ZC3H3: variants seen among roughly 807,000 people sequenced by gnomAD.
ZC3H3 encodes zinc finger CCCH domain-containing protein 3.
In ZC3H3, 36 loss-of-function variants were observed where a neutral mutation model predicts 77.3. That is an observed-to-expected ratio of 0.47 (90% CI 0.36 to 0.61). The LOEUF (loss-of-function observed/expected upper bound fraction) is 0.61, where lower values mean the gene tolerates loss of function less well. Ranked by LOEUF, ZC3H3 falls within the 20% of genes least tolerant of loss-of-function variation. The pLI is 0.00. For missense variants in ZC3H3, 1,331 were observed against 1,312.2 expected, an observed-to-expected ratio of 1.01 and a Z score of -0.22; for synonymous variants, 626 against 555.2, an observed-to-expected ratio of 1.13 and a Z score of -1.79.
At chr8:143,518,186 G>A (rs1008764028) in intron 3 of ZC3H3, among the ~76,000 whole-genome samples, 2 of 152,140 alleles carry the variant, frequency 1.3e-5, no homozygotes, top group African/African-American at 2.4e-5. Context: ...TGTCTGGGGG[G>A]ACCCAGGTGA....
chr8:143,506,868 C>T (rs988145790), intron 4 of ZC3H3, among the ~76,000 whole-genome samples: 4 of 152,330 alleles, frequency 2.6e-5, no homozygotes, highest in African/African-American at 9.6e-5. Flanking sequence ...CAGCAGGGAA[C>T]CACCAGGCAG....
Position 143,474,911 on chromosome 8 carries a change from G to A in ZC3H3, c.1903+487C>T, listed in dbSNP as rs558393314. On this transcript the variant is annotated intron_variant, in intron 5 of 11. Transcript: ENST00000262577. ...GTCGAGGCGTCGCCAATGCGATTACGGGCGCCGCGGCCCCAGGTGTGCGCT... is the reference window on the plus strand; with the variant it reads ...GTCGAGGCGTCGCCAATGCGATTACAGGCGCCGCGGCCCCAGGTGTGCGCT... Among the ~76,000 whole-genome samples, 62 of 152,360 alleles carry A rather than the reference G, an allele frequency of 4.1e-4. 1 individual carries two copies. The South Asian group carries it at 0.011, about 26-fold the overall frequency.
rs1239238012 is a variant in ZC3H3, at chr8:143,530,258, C to T, written c.1561+5999G>A. 2.0e-5 allele frequency among the ~76,000 whole-genome samples: 3 copies of T among 152,100 alleles called. No homozygotes were observed. The highest frequency in any genetic ancestry group is 6.5e-5 in the Admixed American group (1 of 15,278). On this transcript the variant is annotated intron_variant, in intron 3 of 11. Coordinates refer to ENST00000262577, the MANE Select transcript of ZC3H3 (RefSeq NM_015117.3). This position sits in a 1 kb window ranked among gnomAD's most constrained non-coding sequence, Gnocchi z 4.3. Reference sequence around the variant, plus strand: ...CCCGCACCCTCCACCAGCACACTGGCGACAAGTCTGGGAAGGCGGCTGCTT... The same window carrying T: ...CCCGCACCCTCCACCAGCACACTGGTGACAAGTCTGGGAAGGCGGCTGCTT...
At chr8:143,536,735 C>T (rs1822812277) in intron 2 of ZC3H3, among the ~76,000 whole-genome samples, 1 of 152,152 alleles carries the variant, frequency 6.6e-6, no homozygotes, top group African/African-American at 2.4e-5. Context: ...GTGCTCCGTC[C>T]CCACCCGCAT....
At chr8:143,529,019 G>A (rs372380166) in intron 3 of ZC3H3, among the ~76,000 whole-genome samples, 42 of 152,316 alleles carry the variant, frequency 2.8e-4, no homozygotes, top group African/African-American at 9.4e-4. Flanking sequence ...TGGCTGGCAC[G>A]CGATCTTAGA....
At position 143,494,707 on chromosome 8, in the gene ZC3H3, C is replaced by T. The variant is rs972906999; in HGVS notation, c.1715+13039G>A. On this transcript the variant is annotated intron_variant, in intron 4 of 11. Coordinates refer to ENST00000262577, the MANE Select transcript of ZC3H3 (RefSeq NM_015117.3). This position sits in a 1 kb window ranked among gnomAD's most constrained non-coding sequence, Gnocchi z 5.3. ...CCCCAGAGGGCCAGGAGCCCCCACA[C>T]TCACCCTGAGACCCTGGGCAGGAAC... Among the ~76,000 whole-genome samples the T allele has an allele frequency of 1.3e-5, 2 of 152,212 alleles. No homozygotes were observed. Among genetic ancestry groups the T allele is most frequent in the Non-Finnish European group, 2.9e-5 (2 of 68,034 alleles).
In ZC3H3 at chr8:143,494,528, C is replaced by A. The variant is rs398752; in HGVS notation, c.1715+13218G>T. Among the ~76,000 whole-genome samples the A allele has an allele frequency of 0.028, 4,236 of 152,268 alleles. 176 individuals are homozygous for A. Among genetic ancestry groups the A allele is most frequent in the African/African-American group, 0.096 (3,986 of 41,532 alleles). The stretch of plus-strand genomic sequence containing the variant: ...CCAACAGGCCCACACAAGGCCCGGG[C>A]AGGTCAGGGCCTCAGAGCACAGCGG... On this transcript the variant is annotated intron_variant, in intron 4 of 11. Coordinates refer to ENST00000262577, the MANE Select transcript of ZC3H3 (RefSeq NM_015117.3). This position sits in a 1 kb window ranked among gnomAD's most constrained non-coding sequence, Gnocchi z 5.3.
intron 3 of ZC3H3, among the ~76,000 whole-genome samples, chr8:143,510,648 C>T (rs1156737073): frequency 6.6e-6 from 1 of 152,196 alleles, no homozygotes; most frequent in Non-Finnish European, 1.5e-5. Flanking sequence ...GCTTGGGAGG[C>T]TGCAGGACGC....
Position 143,466,289 on chromosome 8 carries a change from G to A in ZC3H3, c.2176-441C>T, listed in dbSNP as rs548383932. 2.6e-5 allele frequency among the ~76,000 whole-genome samples: 4 copies of A among 152,334 alleles called. No homozygotes were observed. In the South Asian group the frequency reaches 8.3e-4, roughly 32 times the overall value. Reference sequence around the variant, plus strand: ...GCCACGGGCCAGCAGCCAACAGAGGGCTCTCCCTCTCCAGGCACCTGACCC... The same window carrying A: ...GCCACGGGCCAGCAGCCAACAGAGGACTCTCCCTCTCCAGGCACCTGACCC... On this transcript the variant is annotated intron_variant, in intron 8 of 11. Transcript: ENST00000262577.
intron 4 of ZC3H3, among the ~76,000 whole-genome samples, chr8:143,503,327 C>T (rs528753192): frequency 2.0e-5 from 3 of 152,296 alleles, no homozygotes; most frequent in South Asian, 4.1e-4. Flanking sequence ...AGTCTCCACA[C>T]ATGATGTCTG....
In ZC3H3 at chr8:143,471,228, C is replaced by T. The variant is rs1361348852; in HGVS notation, c.1904-2569G>A. Among the ~76,000 whole-genome samples, 4 of 152,378 alleles carry T rather than the reference C, an allele frequency of 2.6e-5. No individual in the cohort carries two copies. The East Asian group carries it at 7.7e-4, about 29-fold the overall frequency. On this transcript the variant is annotated intron_variant, in intron 5 of 11. Transcript: ENST00000262577. ...GCCAAGCCCTGGTCTGCTCACAGCG[C>T]GCCCACCAGGCCCTCCAGGGCACGT...
rs548644869 is a variant in ZC3H3, at chr8:143,494,094, G to A, written c.1715+13652C>T. On this transcript the variant is annotated intron_variant, in intron 4 of 11. Transcript: ENST00000262577. This position sits in a 1 kb window ranked among gnomAD's most constrained non-coding sequence, Gnocchi z 5.3. ...ACGTGGGGAAGCCTGGGGAGTGGGA[G>A]GGGAAGGGGAGCGCTGAGGGCCATC... Among the ~76,000 whole-genome samples the A allele has an allele frequency of 1.6e-3, 247 of 152,286 alleles. 1 individual carries two copies. Among genetic ancestry groups the A allele is most frequent in the African/African-American group, 5.7e-3 (236 of 41,550 alleles).
At chr8:143,506,256 C>T (rs1018366139) in intron 4 of ZC3H3, among the ~76,000 whole-genome samples, 7 of 152,244 alleles carry the variant, frequency 4.6e-5, no homozygotes, top group African/African-American at 1.7e-4. Flanking sequence ...GGCCCCGAGC[C>T]GCACCCCTGG....
intron 4 of ZC3H3, among the ~76,000 whole-genome samples, chr8:143,486,813 C>T (rs1438562093): frequency 7.0e-6 from 1 of 142,606 alleles, no homozygotes; most frequent in African/African-American, 2.7e-5. Flanking sequence ...CCCATCACCA[C>T]GAAGCTCAGA....
chr8:143,541,364 G>A lies in ZC3H3; in HGVS notation c.46+12C>T. The A allele has an allele frequency of 6.2e-7, 1 of 1,608,846 alleles. No homozygotes were observed. The highest frequency in any genetic ancestry group is 8.5e-7 in the Non-Finnish European group (1 of 1,178,460). Reference sequence around the variant, plus strand: ...AGAAGGGGACTCGCGTCCCGGCCCCGGCCGGACCTACCCTGCAGTAGGCGG... The same window carrying A: ...AGAAGGGGACTCGCGTCCCGGCCCCAGCCGGACCTACCCTGCAGTAGGCGG... On this transcript the variant is annotated intron_variant, in intron 1 of 11. Coordinates refer to ENST00000262577, the MANE Select transcript of ZC3H3 (RefSeq NM_015117.3).
chr8:143,441,876 C>T (rs1465702572), intron 9 of ZC3H3, among the ~76,000 whole-genome samples: 3 of 152,218 alleles, frequency 2.0e-5, no homozygotes, highest in African/African-American at 7.2e-5. Context: ...GTATGCCCTC[C>T]CCCTCACCCT....
At position 143,468,256 on chromosome 8, in the gene ZC3H3, T is replaced by C; in HGVS notation, c.2128A>G (p.Lys710Glu). Residue 710 changes from lysine to glutamate, a missense_variant, in exon 8 of 12, where the codon AAA becomes GAA. Coordinates refer to ENST00000262577, the MANE Select transcript of ZC3H3 (RefSeq NM_015117.3). ...CTRFVRGTCK[K>E]TDGTCPFSHH... ...GAGAAGGGGCAGGTCCCATCCGTTT[T>C]CTTGCAGGTGCCCCGGACAAACCTG... 1 of 1,613,088 alleles carries C rather than the reference T, an allele frequency of 6.2e-7. No homozygotes were observed. The highest frequency in any genetic ancestry group is 8.5e-7 in the Non-Finnish European group (1 of 1,179,948).
chr8:143,465,992 T>C, intron 8 of ZC3H3, 144 bp from the exon 9 acceptor site: 3 of 1,212,674 alleles, frequency 2.5e-6, no homozygotes, highest in Non-Finnish European at 2.3e-6. Flanking sequence ...CACCACGACC[T>C]GCGGGGCAGG....
rs138087330 is a variant in ZC3H3, at chr8:143,534,514, A to G, written c.1561+1743T>C. Among the ~76,000 whole-genome samples the G allele has an allele frequency of 3.6e-3, 548 of 152,216 alleles. 3 individuals carry two copies. Among genetic ancestry groups the G allele is most frequent in the African/African-American group, 0.013 (521 of 41,542 alleles). Reference sequence around the variant, plus strand: ...TCTACTAGAGGCCTGAAGAGGGAGCAGGCCAGGTGAGCAGGGCTGAACCTG... The same window carrying G: ...TCTACTAGAGGCCTGAAGAGGGAGCGGGCCAGGTGAGCAGGGCTGAACCTG... On this transcript the variant is annotated intron_variant, in intron 3 of 11. Coordinates refer to ENST00000262577, the MANE Select transcript of ZC3H3 (RefSeq NM_015117.3).
Sources: gnomAD v4.1 joint callset for allele counts (sites outside exome capture counted in the v4.1 genomes callset) on GRCh38, gnomAD v4.1.1 for gene constraint, Gnocchi (gnomAD v3.1) non-coding constraint, MANE v1.5 for transcripts, NCBI Gene and HGNC (gene_info 2026-07-23, HGNC 2026-07-21) for gene names.